The following GABRG3 variants were observed in gnomAD, a reference collection of about 807,000 sequenced individuals.
The protein encoded by GABRG3 is gamma-aminobutyric acid receptor subunit gamma-3.
Under a neutral mutation model 48.8 loss-of-function variants are expected in GABRG3, and 25 were observed. That is an observed-to-expected ratio of 0.51 (90% CI 0.37 to 0.72). GABRG3 has a LOEUF of 0.72. Among genes scored for constraint, GABRG3 ranks in the 30% least tolerant of loss-of-function variants. The pLI is 0.00. For synonymous variants in GABRG3, 227 were observed against 217.6 expected (o/e 1.04, Z -0.38); for missense variants, 394 against 577.9 (o/e 0.68, Z 3.26).
rs1347696941 is a variant in GABRG3, at chr15:27,070,293, T to A, written c.270+43472T>A. ...TTGCTTCCCATTGGTAGGATGTGCA[T>A]TTGGTGTGACCCAGGAACTGTTCTG... is the stretch of plus-strand genomic sequence containing the variant. On this transcript the variant is annotated intron_variant, in intron 3 of 9. Coordinates refer to ENST00000615808, the MANE Select transcript of GABRG3 (RefSeq NM_033223.5). Among the ~76,000 whole-genome samples, 3 of 152,228 alleles carry A rather than the reference T, an allele frequency of 2.0e-5. No individual in the cohort carries two copies. The East Asian group carries it at 5.8e-4, about 29-fold the overall frequency.
chr15:27,511,949 A>G (rs1050770202), intron 6 of GABRG3, among the ~76,000 whole-genome samples: 1 of 152,208 alleles, frequency 6.6e-6, no homozygotes, highest in Non-Finnish European at 1.5e-5. Flanking sequence ...GAAATGCAAG[A>G]GCAAGGGAGC....
At chr15:27,113,593 T>C (rs1897591898) in intron 3 of GABRG3, among the ~76,000 whole-genome samples, 1 of 152,180 alleles carries the variant, frequency 6.6e-6, no homozygotes, top group African/African-American at 2.4e-5. Flanking sequence ...TCATTATACA[T>C]TTACAGCAGA....
intron 5 of GABRG3, among the ~76,000 whole-genome samples, chr15:27,384,263 G>A (rs1355192539): frequency 2.0e-5 from 3 of 152,146 alleles, no homozygotes; most frequent in African/African-American, 7.2e-5. Context: ...AGGCTTCCAA[G>A]TTCTGGAGCT....
At chr15:27,138,677 T>A (rs892031188) in intron 3 of GABRG3, among the ~76,000 whole-genome samples, 4 of 152,198 alleles carry the variant, frequency 2.6e-5, no homozygotes, top group African/African-American at 9.6e-5. Context: ...AATCCCAGGC[T>A]TTCGTCATCT....
At chr15:27,476,719 G>T (rs1889950170) in intron 5 of GABRG3, among the ~76,000 whole-genome samples, 1 of 152,158 alleles carries the variant, frequency 6.6e-6, no homozygotes, top group African/African-American at 2.4e-5. Context: ...CACATAATGG[G>T]AATCTCAGAG....
chr15:26,983,075 T>C (rs1187919862), intron 2 of GABRG3, among the ~76,000 whole-genome samples: 1 of 152,074 alleles, frequency 6.6e-6, no homozygotes, highest in Non-Finnish European at 1.5e-5. Context: ...GAAACCATTT[T>C]CTTTCATGGC....
rs59174116 is a variant in GABRG3, at chr15:27,260,032, A to C, written c.271-66777A>C. On this transcript the variant is annotated intron_variant, in intron 3 of 9. Transcript: ENST00000615808. ...AAGATGTGTTGAAACTTCTCCAGAAAAATAATGTTGTGTCCTAATTTCCAT... is the reference window on the plus strand; with the variant it reads ...AAGATGTGTTGAAACTTCTCCAGAACAATAATGTTGTGTCCTAATTTCCAT... 5.3e-3 allele frequency among the ~76,000 whole-genome samples: 810 copies of C among 152,326 alleles called. 11 individuals carry two copies. The highest frequency in any genetic ancestry group is 0.019 in the African/African-American group (777 of 41,576).
intron 3 of GABRG3, among the ~76,000 whole-genome samples, chr15:27,250,553 A>T (rs1447885455): frequency 6.6e-6 from 1 of 151,982 alleles, no homozygotes; most frequent in Non-Finnish European, 1.5e-5. Flanking sequence ...CAGCCTCCCT[A>T]GTAGCTGAGA....
intron 3 of GABRG3, among the ~76,000 whole-genome samples, chr15:27,300,370 TA>T (rs1299041128): frequency 6.6e-6 from 1 of 151,980 alleles, no homozygotes; most frequent in Admixed American, 6.6e-5. Flanking sequence ...CACGTATTTT[TA>T]AAAACATGCA....
chr15:27,298,377 A>G (rs1566762396), intron 3 of GABRG3, among the ~76,000 whole-genome samples: 2 of 152,132 alleles, frequency 1.3e-5, no homozygotes, highest in African/African-American at 2.4e-5. Flanking sequence ...GCCTTTCTCC[A>G]AAGATGATTT....
intron 3 of GABRG3, among the ~76,000 whole-genome samples, chr15:27,214,179 G>A (rs17672063): frequency 0.32 from 49,310 of 152,038 alleles, 8,136 homozygotes; most frequent in South Asian, 0.46. Context: ...TGTGAAGACA[G>A]AAGGCATTGT....
chr15:27,452,792 C>T (rs1889148615), intron 5 of GABRG3, among the ~76,000 whole-genome samples: 1 of 152,160 alleles, frequency 6.6e-6, no homozygotes, highest in Non-Finnish European at 1.5e-5. Flanking sequence ...CAAGAGTCCA[C>T]TTTATATCCA....
rs988004153 is a variant in GABRG3 at position 27,536,404 on chromosome 15, C to T, written c.*3523C>T. Reference sequence around the variant, plus strand: ...TGAAACAGAAAGCTCAAATAATACACATCTTTTAAGATTTTCCATTTCCTG... The same window carrying T: ...TGAAACAGAAAGCTCAAATAATACATATCTTTTAAGATTTTCCATTTCCTG... On this transcript the variant is annotated 3_prime_UTR_variant, in exon 10 of 10. Transcript: ENST00000615808. 4 of 152,186 alleles carry T rather than the reference C, an allele frequency of 2.6e-5. No individual in the cohort carries two copies. Among genetic ancestry groups the T allele is most frequent in the Admixed American group, 6.5e-5 (1 of 15,272 alleles). 9.4% of individuals were successfully genotyped at this position (152,186 alleles called of 1,614,324 possible).
At position 27,004,119 on chromosome 15, in the gene GABRG3, C is replaced by CG. The variant is rs1211475108; in HGVS notation, c.203-22629dup. Among the ~76,000 whole-genome samples the CG allele has an allele frequency of 4.6e-4, 66 of 144,542 alleles. No homozygotes were observed. The South Asian group carries it at 0.015, about 33-fold the overall frequency. 94.8% of individuals were successfully genotyped at this position (144,542 alleles called of 152,430 possible). A position where few individuals can be genotyped will look rare whatever the true frequency, so the allele number is the denominator to read the frequency against. On this transcript the variant is annotated intron_variant, in intron 2 of 9. Transcript: ENST00000615808. Reference sequence around the variant, plus strand: ...CTCCCGGACGGGGCGGCTGGCCGGGCGGGGGGCTGACCCCCCCACCTCCCT... The same window carrying CG: ...CTCCCGGACGGGGCGGCTGGCCGGGCGGGGGGGCTGACCCCCCCACCTCCCT...
intron 6 of GABRG3, among the ~76,000 whole-genome samples, chr15:27,488,897 T>C (rs529609432): frequency 6.6e-6 from 1 of 152,352 alleles, no homozygotes; most frequent in South Asian, 2.1e-4. Flanking sequence ...TTTTTTATTT[T>C]ACTTTAAGTT....
intron 3 of GABRG3, among the ~76,000 whole-genome samples, chr15:27,259,247 G>A (rs1054442244): frequency 2.6e-5 from 4 of 152,144 alleles, no homozygotes; most frequent in African/African-American, 9.7e-5. Context: ...GTTAAAGGAA[G>A]TAGTGGCATT....
chr15:27,534,908 G>T lies in GABRG3; in HGVS notation c.*2027G>T, dbSNP rs992974103. The T allele has an allele frequency of 1.3e-5, 2 of 152,144 alleles. No homozygotes were observed. The highest frequency in any genetic ancestry group is 2.1e-4 in the South Asian group (1 of 4,828). The allele number at this position is 152,144 out of a possible 1,614,324, so 9.4% of individuals were successfully genotyped here. On this transcript the variant is annotated 3_prime_UTR_variant, in exon 10 of 10. Transcript: ENST00000615808. ...TTGGTAGTTGCTACATAATCCACAA[G>T]CCAATTGGCTTCAGTTTAGCAAATT...
At position 26,974,661 on chromosome 15, in the gene GABRG3, C is replaced by G. The variant is rs1354472015; in HGVS notation, c.54-2341C>G. Reference sequence around the variant, plus strand: ...GCCTGATTCTGCTGAGATGAGCTACCGGCCTCTCCTCACTGCCCCAGATGC... The same window carrying G: ...GCCTGATTCTGCTGAGATGAGCTACGGGCCTCTCCTCACTGCCCCAGATGC... On this transcript the variant is annotated intron_variant, in intron 1 of 9. Transcript: ENST00000615808. The surrounding 1 kb of genome is among the most constrained non-coding windows in gnomAD (Gnocchi z 4.3). Among the ~76,000 whole-genome samples the G allele has an allele frequency of 6.6e-6, 1 of 151,916 alleles. No individual in the cohort carries two copies. The highest frequency in any genetic ancestry group is 1.5e-5 in the Non-Finnish European group (1 of 68,006).
chr15:27,402,246 A>G (rs184313645), intron 5 of GABRG3, among the ~76,000 whole-genome samples: 2 of 152,320 alleles, frequency 1.3e-5, no homozygotes, highest in African/African-American at 2.4e-5. Context: ...ATAGTGGACT[A>G]TATAATTCAG....
Sources: allele counts gnomAD v4.1 joint callset (sites outside exome capture counted in the v4.1 genomes callset), GRCh38; gene constraint gnomAD v4.1.1; non-coding constraint Gnocchi (gnomAD v3.1); transcripts MANE v1.5; gene names NCBI Gene and HGNC (gene_info 2026-07-23, HGNC 2026-07-21).